HOOK3: variants seen among roughly 807,000 people sequenced by gnomAD.
The protein encoded by HOOK3 is hook microtubule tethering protein 3.
HOOK3 carries 24 observed loss-of-function variants against 116.3 expected under a neutral mutation model. The observed-to-expected ratio is 0.21, with a 90% CI of 0.15 to 0.29. The LOEUF (loss-of-function observed/expected upper bound fraction) is 0.29. Ranked by LOEUF, HOOK3 falls within the 10% of genes least tolerant of loss-of-function variation. The pLI, the probability that HOOK3 is intolerant of heterozygous loss-of-function variation, is 1.00. For synonymous variants in HOOK3, 275 were observed against 283.0 expected, an observed-to-expected ratio of 0.97 and a Z score of 0.28; for missense variants, 632 against 830.2, an observed-to-expected ratio of 0.76 and a Z score of 2.93.
chr8:42,959,119 C>G, intron 7 of HOOK3, 112 bp from the exon 8 acceptor site: 1 of 670,508 alleles, frequency 1.5e-6, no homozygotes, highest in Non-Finnish European at 2.6e-6. Context: ...CTCTTGCACC[C>G]TTCCCTCTTC....
At chr8:43,008,030 A>AT (rs1306236211) in intron 18 of HOOK3, 101 bp downstream of exon 18, 38 of 497,818 alleles carry the variant, frequency 7.6e-5, no homozygotes, top group South Asian at 3.1e-4. Flanking sequence ...TTTTATTTTT[A>AT]TTTTTTTTGA....
intron 4 of HOOK3, among the ~76,000 whole-genome samples, chr8:42,939,911 T>G (rs1211833995): frequency 6.7e-6 from 1 of 148,322 alleles, no homozygotes; most frequent in Non-Finnish European, 1.5e-5. Context: ...CACTCCTCAC[T>G]TCCTAGATGG....
chr8:42,922,754 G>T (rs1181179765), intron 2 of HOOK3, among the ~76,000 whole-genome samples: 2 of 151,730 alleles, frequency 1.3e-5, no homozygotes, highest in Non-Finnish European at 2.9e-5. Flanking sequence ...ACAAAAATTA[G>T]CTGGGCATGG....
intron 5 of HOOK3, among the ~76,000 whole-genome samples, chr8:42,947,860 G>A (rs202071755): frequency 6.7e-6 from 1 of 149,858 alleles, no homozygotes; most frequent in Non-Finnish European, 1.5e-5. Context: ...GTGTGTGTGT[G>A]TATGTGTGTG....
intron 2 of HOOK3, among the ~76,000 whole-genome samples, chr8:42,914,408 A>G (rs1364429751): frequency 1.3e-5 from 2 of 152,212 alleles, no homozygotes; most frequent in Non-Finnish European, 2.9e-5. Flanking sequence ...CCTATACCTT[A>G]TAATTATGAA....
intron 5 of HOOK3, among the ~76,000 whole-genome samples, chr8:42,946,626 A>C (rs529278616): frequency 6.6e-6 from 1 of 151,884 alleles, no homozygotes; most frequent in Non-Finnish European, 1.5e-5. Flanking sequence ...TTGGTGTTCC[A>C]TGGTAAGTTT....
intron 5 of HOOK3, among the ~76,000 whole-genome samples, chr8:42,948,416 TA>T (rs1808276359): frequency 6.6e-6 from 1 of 152,202 alleles, no homozygotes; most frequent in Admixed American, 6.5e-5. Context: ...TACAGTAATT[TA>T]GTTCTCATCA....
intron 2 of HOOK3, among the ~76,000 whole-genome samples, chr8:42,912,288 CTGTT>C (rs1230670113): frequency 4.6e-5 from 7 of 152,148 alleles, no homozygotes; most frequent in South Asian, 2.1e-4. Context: ...GTTTTTATAT[CTGTT>C]TGGTCTTTTA....
chr8:42,921,645 A>G (rs1807659382), intron 2 of HOOK3, among the ~76,000 whole-genome samples: 1 of 152,176 alleles, frequency 6.6e-6, no homozygotes, highest in African/African-American at 2.4e-5. Flanking sequence ...CCTTTTGGCT[A>G]CCTATAATTG....
At chr8:42,962,327 C>T (rs1259299501) in intron 8 of HOOK3, among the ~76,000 whole-genome samples, 1 of 147,494 alleles carries the variant, frequency 6.8e-6, no homozygotes, top group Non-Finnish European at 1.5e-5. Flanking sequence ...TCTCAAAACT[C>T]CTGGCCCCAA....
At position 43,027,774 on chromosome 8, in the gene HOOK3, T is replaced by C. The variant is rs1809960326; in HGVS notation, c.*9276T>C. 4.8e-6 allele frequency: 1 copy of C among 207,476 alleles called. No homozygotes were observed. Among genetic ancestry groups the C allele is most frequent in the South Asian group, 1.7e-4 (1 of 6,012 alleles). 12.9% of individuals were successfully genotyped at this position (207,476 alleles called of 1,614,324 possible). On this transcript the variant is annotated 3_prime_UTR_variant, in exon 22 of 22. Transcript: ENST00000307602. The stretch of plus-strand genomic sequence containing the variant: ...TGTGACAGTTAAAATTAAGTAAAAT[T>C]AAAACTATAGTTTCTCAGTGGCCTA...
rs538837177 is a variant in HOOK3, at chr8:43,028,552, G to A, written c.*10054G>A. The A allele has an allele frequency of 1.6e-5, 3 of 187,914 alleles. No homozygotes were observed. Among genetic ancestry groups the A allele is most frequent in the African/African-American group, 7.0e-5 (3 of 42,818 alleles). The allele number at this position is 187,914 out of a possible 1,614,324, so 11.6% of individuals were successfully genotyped here. On this transcript the variant is annotated 3_prime_UTR_variant, in exon 22 of 22. Coordinates refer to ENST00000307602, the MANE Select transcript of HOOK3 (RefSeq NM_032410.4). ...TTTCCCCTGAAAGTCCACCTCAAAG[G>A]TACATCAAGATGCAAACAATTTTTT...
chr8:43,022,645 A>G lies in HOOK3; in HGVS notation c.*4147A>G, dbSNP rs1809851226. 1 of 183,642 alleles carries G rather than the reference A, an allele frequency of 5.4e-6. No homozygotes were observed. The highest frequency in any genetic ancestry group is 2.3e-5 in the African/African-American group (1 of 42,668). The allele number at this position is 183,642 out of a possible 1,614,324, so 11.4% of individuals were successfully genotyped here. On this transcript the variant is annotated 3_prime_UTR_variant, in exon 22 of 22. Coordinates refer to ENST00000307602, the MANE Select transcript of HOOK3 (RefSeq NM_032410.4). ...AAGAGAATCAAGTATACAATTGTAC[A>G]TATTTTTAAAGAACTTTGAAAAACT...
chr8:43,013,573 A>G (rs745403183), intron 21 of HOOK3, among the ~76,000 whole-genome samples, 173 bp downstream of exon 21: 16 of 152,236 alleles, frequency 1.1e-4, no homozygotes, highest in Non-Finnish European at 1.9e-4. Flanking sequence ...AACTATGAGA[A>G]CCACTGTAAA....
At chr8:42,907,816 CAAA>C (rs71550426) in intron 2 of HOOK3, among the ~76,000 whole-genome samples, 2,368 of 46,234 alleles carry the variant, frequency 0.051, 82 homozygotes, top group African/African-American at 0.15. Flanking sequence ...AGCAACGAGG[CAAA>C]AAAAAAAAAA....
intron 1 of HOOK3, chr8:42,897,400 G>A (rs994419750): frequency 1.3e-5 from 5 of 382,110 alleles, no homozygotes; most frequent in African/African-American, 2.1e-5. Context: ...GGCCGGGGCT[G>A]GGCTGGGAAC....
chr8:42,994,508 A>G (rs1809227781), intron 15 of HOOK3: 3 of 328,190 alleles, frequency 9.1e-6, no homozygotes, highest in Admixed American at 8.7e-5. Flanking sequence ...TTGTGTTTCC[A>G]TTATCATTTG....
chr8:43,007,998 A>G, intron 18 of HOOK3, 69 bp downstream of exon 18: 1 of 660,272 alleles, frequency 1.5e-6, no homozygotes. Flanking sequence ...TAGTGAGTTT[A>G]CATAATTTTT....
chr8:42,943,296 C>A lies in HOOK3; in HGVS notation c.268-17C>A. 1 of 1,423,972 alleles carries A rather than the reference C, an allele frequency of 7.0e-7. No individual in the cohort carries two copies. The highest frequency in any genetic ancestry group is 9.3e-7 in the Non-Finnish European group (1 of 1,073,106). The allele number at this position is 1,423,972 out of a possible 1,614,324, so 88.2% of individuals were successfully genotyped here. A position where few individuals can be genotyped will look rare whatever the true frequency, so the allele number is the denominator to read the frequency against. ...TATAAATGTAAATGCAATTATAATC[C>A]TTTTATCTCCATTCAGATTTTAGGA... On this transcript the variant is annotated splice_polypyrimidine_tract_variant and intron_variant, in intron 4 of 21. Transcript: ENST00000307602.
Sources: allele counts gnomAD v4.1 joint callset (sites outside exome capture counted in the v4.1 genomes callset), GRCh38; gene constraint gnomAD v4.1.1; transcripts MANE v1.5; gene names NCBI Gene and HGNC (gene_info 2026-07-23, HGNC 2026-07-21).